CNTN5: variants seen among roughly 807,000 people sequenced by gnomAD.
CNTN5 encodes the protein contactin 5.
CNTN5 carries 77 observed loss-of-function variants against 129.1 expected under a neutral mutation model. The observed-to-expected ratio is 0.60, with a 90% CI of 0.50 to 0.72. The LOEUF (loss-of-function observed/expected upper bound fraction) is 0.72, where lower values mean the gene tolerates loss of function less well. Among genes scored for constraint, CNTN5 ranks in the 30% least tolerant of loss-of-function variants. The pLI, the probability that CNTN5 is intolerant of heterozygous loss-of-function variation, is 0.00. For synonymous variants in CNTN5, 509 were observed against 465.6 expected (o/e 1.09, Z -1.20); for missense variants, 1,478 against 1,328.8 (o/e 1.11, Z -1.75).
At position 99,889,321 on chromosome 11, in the gene CNTN5, TGTGTG is replaced by T. The variant is rs1565642638; in HGVS notation, c.578-26732_578-26728del. 2.6e-4 allele frequency among the ~76,000 whole-genome samples: 38 copies of T among 144,886 alleles called. 2 individuals are homozygous for T. The highest frequency in any genetic ancestry group is 6.7e-4 in the South Asian group (3 of 4,502). ...GTGTGTGTGTGTGTGTGTGTGTGTG[TGTGTG>T]TGTGTGTGTGTGTGTGTGTGTGTGT... is the stretch of plus-strand genomic sequence containing the variant. On this transcript the variant is annotated intron_variant, in intron 6 of 24. Transcript: ENST00000524871.
chr11:100,048,578 G>A (rs1343595017), intron 9 of CNTN5, among the ~76,000 whole-genome samples: 1 of 151,914 alleles, frequency 6.6e-6, no homozygotes, highest in Non-Finnish European at 1.5e-5. Flanking sequence ...GTGAAAAAAT[G>A]TACTAGATTG....
At chr11:99,244,163 G>A (rs1290805933) in intron 1 of CNTN5, among the ~76,000 whole-genome samples, 2 of 151,890 alleles carry the variant, frequency 1.3e-5, no homozygotes, top group East Asian at 1.9e-4. Flanking sequence ...TATAGTACTC[G>A]TCGTAGAGAT....
At chr11:99,172,385 C>T (rs780747279) in intron 1 of CNTN5, among the ~76,000 whole-genome samples, 9 of 152,102 alleles carry the variant, frequency 5.9e-5, no homozygotes, top group South Asian at 2.1e-4. Context: ...TTAATAAGTT[C>T]GTTTAATTAA....
chr11:100,121,484 A>AGAT (rs1235718103), intron 13 of CNTN5, among the ~76,000 whole-genome samples: 1 of 151,788 alleles, frequency 6.6e-6, no homozygotes, highest in Admixed American at 6.6e-5. Flanking sequence ...GAGAGGTAGA[A>AGAT]GATTGAAAAA....
At chr11:100,333,025 G>T (rs932989403) in intron 21 of CNTN5, among the ~76,000 whole-genome samples, 4 of 151,858 alleles carry the variant, frequency 2.6e-5, no homozygotes, top group Admixed American at 2.6e-4. Context: ...CTGATGATAT[G>T]ATTGTATACA....
chr11:99,069,090 C>G (rs1331586518), intron 1 of CNTN5, among the ~76,000 whole-genome samples: 3 of 152,100 alleles, frequency 2.0e-5, no homozygotes, highest in Admixed American at 1.3e-4. Flanking sequence ...TTGAGCATTA[C>G]TGGCAGACTT....
At position 99,829,156 on chromosome 11, in the gene CNTN5, C is replaced by T. The variant is rs577782935; in HGVS notation, c.277+9391C>T. Among the ~76,000 whole-genome samples the T allele has an allele frequency of 9.6e-4, 146 of 152,230 alleles. 1 individual carries two copies. The highest frequency in any genetic ancestry group is 3.4e-3 in the African/African-American group (142 of 41,540). On this transcript the variant is annotated intron_variant, in intron 4 of 24. Coordinates refer to ENST00000524871, the MANE Select transcript of CNTN5 (RefSeq NM_014361.4). ...TTCCCTGGTGATATACTTAAAGAAGCATCAAAATTTTTAGTGATCTGAAAT... is the reference window on the plus strand; with the variant it reads ...TTCCCTGGTGATATACTTAAAGAAGTATCAAAATTTTTAGTGATCTGAAAT...
chr11:99,045,171 A>T (rs541078817), intron 1 of CNTN5, among the ~76,000 whole-genome samples: 3 of 152,310 alleles, frequency 2.0e-5, no homozygotes, highest in South Asian at 4.1e-4. Flanking sequence ...CACATCTAAG[A>T]AGGAAGATAA....
At chr11:99,100,818 G>T (rs923732583) in intron 1 of CNTN5, among the ~76,000 whole-genome samples, 8 of 152,008 alleles carry the variant, frequency 5.3e-5, no homozygotes, top group Admixed American at 4.6e-4. Context: ...GCATACTAAA[G>T]AAAATTAAAT....
chr11:99,774,693 T>G (rs376541392), intron 3 of CNTN5, among the ~76,000 whole-genome samples: 43 of 152,084 alleles, frequency 2.8e-4, no homozygotes, highest in African/African-American at 9.4e-4. Flanking sequence ...CTTATTTGCT[T>G]TATTCTGTCC....
intron 3 of CNTN5, among the ~76,000 whole-genome samples, chr11:99,794,258 C>G (rs896277343): frequency 1.5e-5 from 2 of 133,844 alleles, no homozygotes; most frequent in East Asian, 4.3e-4. Flanking sequence ...GCTTTTTTTT[C>G]TGTTTTCCAT....
chr11:100,325,737 G>T (rs1405612383), intron 21 of CNTN5, among the ~76,000 whole-genome samples: 1 of 152,110 alleles, frequency 6.6e-6, no homozygotes, highest in African/African-American at 2.4e-5. Context: ...ATAGACTACT[G>T]GTCTGGGAGA....
chr11:100,061,460 TTAAC>T (rs1943480318), intron 10 of CNTN5, 67 bp downstream of exon 10: 1 of 1,180,386 alleles, frequency 8.5e-7, no homozygotes, highest in Non-Finnish European at 1.2e-6. Flanking sequence ...GAAATTAACT[TTAAC>T]TAAATATTGT....
Position 99,306,531 on chromosome 11 carries a change from A to G in CNTN5, c.-209-18815A>G, listed in dbSNP as rs942850846. Among the ~76,000 whole-genome samples, 3 of 152,054 alleles carry G rather than the reference A, an allele frequency of 2.0e-5. No homozygotes were observed. In the East Asian group the frequency reaches 5.8e-4, roughly 29 times the overall value. On this transcript the variant is annotated intron_variant, in intron 1 of 24. Transcript: ENST00000524871. ...TAGATATTTCCAATATAGATTATAT[A>G]TTGTTTCAGAGTTTGAATTGTTAAT...
chr11:99,401,819 A>T (rs61892016), intron 2 of CNTN5, among the ~76,000 whole-genome samples: 1 of 150,984 alleles, frequency 6.6e-6, no homozygotes, highest in Non-Finnish European at 1.5e-5. Flanking sequence ...CTTAATGCCT[A>T]GATGTTTAAC....
chr11:99,093,840 G>A (rs1866356819), intron 1 of CNTN5, among the ~76,000 whole-genome samples: 1 of 151,872 alleles, frequency 6.6e-6, no homozygotes, highest in African/African-American at 2.4e-5. Flanking sequence ...AGGAACCCCA[G>A]GCTCAGAGAA....
chr11:99,816,647 C>T (rs1030674402), intron 3 of CNTN5, among the ~76,000 whole-genome samples: 1 of 152,190 alleles, frequency 6.6e-6, no homozygotes, highest in South Asian at 2.1e-4. Context: ...GCTTTAGACC[C>T]TTGAGTCATC....
chr11:99,446,860 C>A (rs1295757729), intron 2 of CNTN5, among the ~76,000 whole-genome samples: 3 of 152,216 alleles, frequency 2.0e-5, no homozygotes, highest in African/African-American at 7.2e-5. Context: ...TCAGTAATTT[C>A]TAGTACCCTT....
At chr11:99,760,786 C>T (rs1304051702) in intron 3 of CNTN5, among the ~76,000 whole-genome samples, 1 of 151,594 alleles carries the variant, frequency 6.6e-6, no homozygotes, top group East Asian at 1.9e-4. Flanking sequence ...ATATAAAAAT[C>T]CAAATTATAA....
Sources: gnomAD v4.1 joint callset for allele counts (sites outside exome capture counted in the v4.1 genomes callset) on GRCh38, gnomAD v4.1.1 for gene constraint, MANE v1.5 for transcripts, NCBI Gene and HGNC (gene_info 2026-07-23, HGNC 2026-07-21) for gene names.